The following OXR1 variants were observed in gnomAD, a reference collection of about 807,000 sequenced individuals.
OXR1 encodes the protein oxidation resistance 1.
In OXR1, 41 loss-of-function variants were observed where a neutral mutation model predicts 104.6. The observed-to-expected ratio is 0.39, with a 90% confidence interval of 0.31 to 0.51. The LOEUF (loss-of-function observed/expected upper bound fraction) is 0.51, where lower values mean the gene tolerates loss of function less well. Ranked by LOEUF, OXR1 falls within the 20% of genes least tolerant of loss-of-function variation. The probability of loss-of-function intolerance (pLI) is 0.77; values close to 1 mark genes in which losing one functional copy is unlikely to be tolerated. For missense variants in OXR1, 955 were observed against 1,031.9 expected, an observed-to-expected ratio of 0.93 and a Z score of 1.02; for synonymous variants, 348 against 348.4, an observed-to-expected ratio of 1.00 and a Z score of 0.01.
rs974558437 is a variant in OXR1 at position 106,593,612 on chromosome 8, G to A, written c.220+74473G>A. ...GCTAACACGGTGAAACCCCGTCTCT[G>A]CTAAAATACAAAAAATTAGCCGGGT... On this transcript the variant is annotated intron_variant, in intron 3 of 16. Transcript: ENST00000517566. Among the ~76,000 whole-genome samples, 4 of 143,126 alleles carry A rather than the reference G, an allele frequency of 2.8e-5. No individual in the cohort carries two copies. The East Asian group carries it at 9.0e-4, about 32-fold the overall frequency. 93.9% of individuals were successfully genotyped at this position (143,126 alleles called of 152,430 possible).
chr8:106,432,982 G>A (rs541283252), intron 2 of OXR1, among the ~76,000 whole-genome samples: 42 of 152,220 alleles, frequency 2.8e-4, no homozygotes, highest in Middle Eastern at 3.4e-3. Context: ...ATCTATAACT[G>A]CCCAATGGGT....
At chr8:106,559,563 T>TA (rs142253107) in intron 3 of OXR1, among the ~76,000 whole-genome samples, 1 of 152,086 alleles carries the variant, frequency 6.6e-6, no homozygotes. Flanking sequence ...TCATAGAAAA[T>TA]AAAAAACAAT....
At chr8:106,383,765 G>C (rs1817256636) in intron 2 of OXR1, among the ~76,000 whole-genome samples, 1 of 152,078 alleles carries the variant, frequency 6.6e-6, no homozygotes, top group Admixed American at 6.6e-5. Context: ...TTTACCTACA[G>C]GGTCTGAAGC....
At chr8:106,546,382 A>G (rs1815361027) in intron 3 of OXR1, among the ~76,000 whole-genome samples, 1 of 152,220 alleles carries the variant, frequency 6.6e-6, no homozygotes, top group Admixed American at 6.5e-5. Flanking sequence ...TGTTAAGTAC[A>G]TTTATAAAAA....
chr8:106,681,014 G>C (rs970298279), intron 4 of OXR1, among the ~76,000 whole-genome samples: 4 of 152,052 alleles, frequency 2.6e-5, no homozygotes, highest in African/African-American at 9.7e-5. Context: ...TTGAAATCTT[G>C]TACCTTAATT....
intron 11 of OXR1, among the ~76,000 whole-genome samples, chr8:106,734,339 T>C (rs1274708673): frequency 6.6e-6 from 1 of 152,204 alleles, no homozygotes; most frequent in Non-Finnish European, 1.5e-5. Context: ...GTATGCTCTT[T>C]TTGTTTGATA....
chr8:106,637,319 A>ATG (rs896949460), intron 3 of OXR1, among the ~76,000 whole-genome samples: 14 of 149,344 alleles, frequency 9.4e-5, no homozygotes, highest in Admixed American at 2.7e-4. Flanking sequence ...AAGAACTTTA[A>ATG]TGTGTGTGTG....
intron 2 of OXR1, among the ~76,000 whole-genome samples, chr8:106,456,368 T>C (rs927266849): frequency 2.0e-5 from 3 of 152,196 alleles, no homozygotes; most frequent in Non-Finnish European, 4.4e-5. Context: ...TCTGGGCTTC[T>C]AGTATACTCC....
chr8:106,323,944 C>A (rs1259232681), intron 1 of OXR1, among the ~76,000 whole-genome samples: 1 of 152,142 alleles, frequency 6.6e-6, no homozygotes, highest in Non-Finnish European at 1.5e-5. Flanking sequence ...TTGTGGAAAG[C>A]AATATGGTGA....
chr8:106,456,952 T>A (rs952142805), intron 2 of OXR1, among the ~76,000 whole-genome samples: 4 of 152,226 alleles, frequency 2.6e-5, no homozygotes, highest in African/African-American at 9.6e-5. Flanking sequence ...ATCATCAAAT[T>A]GACCTTTAAT....
intron 2 of OXR1, among the ~76,000 whole-genome samples, chr8:106,367,823 A>T (rs1816539381): frequency 6.6e-6 from 1 of 152,234 alleles, no homozygotes; most frequent in Non-Finnish European, 1.5e-5. Flanking sequence ...GCAGAAATGA[A>T]CTATACAACT....
chr8:106,740,207 G>T (rs1452219103), intron 13 of OXR1, 136 bp from the exon 14 acceptor site: 10 of 579,890 alleles, frequency 1.7e-5, no homozygotes, highest in Admixed American at 1.0e-4. Flanking sequence ...TAGTATCTTT[G>T]AGAATAATAA....
At chr8:106,526,604 G>A (rs911312542) in intron 3 of OXR1, among the ~76,000 whole-genome samples, 1 of 152,188 alleles carries the variant, frequency 6.6e-6, no homozygotes, top group Non-Finnish European at 1.5e-5. Context: ...GTGCAGTGGC[G>A]CAATCTCGGC....
At chr8:106,691,254 G>A (rs1285113496) in intron 6 of OXR1, among the ~76,000 whole-genome samples, 1 of 151,788 alleles carries the variant, frequency 6.6e-6, no homozygotes, top group African/African-American at 2.4e-5. Context: ...ATTATGCAGG[G>A]AAGCATCAGC....
At chr8:106,611,281 T>A (rs1401289567) in intron 3 of OXR1, among the ~76,000 whole-genome samples, 1 of 152,150 alleles carries the variant, frequency 6.6e-6, no homozygotes, top group Non-Finnish European at 1.5e-5. Context: ...GCATGCTTGG[T>A]GCATTCAAGG....
chr8:106,510,130 T>G (rs948288003), intron 2 of OXR1, among the ~76,000 whole-genome samples: 2 of 152,248 alleles, frequency 1.3e-5, no homozygotes, highest in Non-Finnish European at 2.9e-5. Flanking sequence ...ATGCATTAAT[T>G]TAATCATTAT....
At chr8:106,742,847 A>G (rs1835034473) in intron 15 of OXR1, among the ~76,000 whole-genome samples, 1 of 152,214 alleles carries the variant, frequency 6.6e-6, no homozygotes, top group Admixed American at 6.5e-5. Context: ...TAAAAACCCT[A>G]GAAGAAAATC....
intron 1 of OXR1, among the ~76,000 whole-genome samples, chr8:106,357,249 A>T (rs1300975853): frequency 1.3e-5 from 2 of 151,910 alleles, no homozygotes; most frequent in Non-Finnish European, 2.9e-5. Flanking sequence ...TGGTAAACTG[A>T]ACCCTCGATA....
At chr8:106,685,579 A>G (rs10089890) in intron 6 of OXR1, among the ~76,000 whole-genome samples, 18,761 of 152,166 alleles carry the variant, frequency 0.12, 1,452 homozygotes, top group East Asian at 0.34. Flanking sequence ...TGGAGAGGAT[A>G]AAGTTATGTG....
Sources: gnomAD v4.1 joint callset for allele counts (sites outside exome capture counted in the v4.1 genomes callset) on GRCh38, gnomAD v4.1.1 for gene constraint, MANE v1.5 for transcripts, NCBI Gene and HGNC (gene_info 2026-07-23, HGNC 2026-07-21) for gene names.